Variants in DENND1C observed in about 807,000 individuals in gnomAD.
DENND1C encodes the protein DENN domain-containing protein 1C.
In DENND1C, 64 loss-of-function variants were observed where a neutral mutation model predicts 87.9. The observed-to-expected ratio is 0.73, with a 90% CI of 0.60 to 0.90. DENND1C has a LOEUF of 0.90. Among genes scored for constraint, DENND1C ranks in the 40% least tolerant of loss-of-function variants. The pLI, the probability that DENND1C is intolerant of heterozygous loss-of-function variation, is 0.00. For synonymous variants in DENND1C, 384 were observed against 424.4 expected (o/e 0.90, Z 1.17); for missense variants, 980 against 1,037.0 (o/e 0.95, Z 0.76).
intron 14 of DENND1C, among the ~76,000 whole-genome samples, chr19:6,473,455 GGTTTTTTTTTT>G (rs2092840924): frequency 7.4e-6 from 1 of 135,586 alleles, no homozygotes; most frequent in Non-Finnish European, 1.5e-5. Context: ...GCCCAGCCCT[GGTTTTTTTTTT>G]TTTTTTTTTC....
chr19:6,480,590 CTA>C, intron 1 of DENND1C: 1 of 378,986 alleles, frequency 2.6e-6, no homozygotes, highest in African/African-American at 2.5e-5. Context: ...ATCTATCTAT[CTA>C]TCTATCTATC....
Position 6,468,613 on chromosome 19 carries a change from C to G in DENND1C, c.1548G>C (p.Gln516His). ...GGGGCTCGGAAGTTCCCTCTTCCAG[C>G]TGGCGTCTCCTGCTGGGGCGAAGGG... Reference protein sequence around the residue: ...NRPLRPSRRRQLEEGTSEPPG... With the variant: ...NRPLRPSRRRHLEEGTSEPPG... Residue 516 changes from glutamine to histidine, a missense_variant, in exon 21 of 23, where the codon CAG (glutamine) becomes CAC (histidine). Transcript: ENST00000381480. The G allele has an allele frequency of 6.6e-7, 1 of 1,506,158 alleles. No individual in the cohort carries two copies. Among genetic ancestry groups the G allele is most frequent in the South Asian group, 1.4e-5 (1 of 72,304 alleles). The allele number at this position is 1,506,158 out of a possible 1,614,324, so 93.3% of individuals were successfully genotyped here.
At chr19:6,471,184 A>G (rs2092826969) in intron 17 of DENND1C, 81 bp downstream of exon 17, 2 of 1,535,336 alleles carry the variant, frequency 1.3e-6, no homozygotes, top group Non-Finnish European at 1.8e-6. Context: ...GGTCGCAGCA[A>G]TCCTTCTATC....
intron 17 of DENND1C, among the ~76,000 whole-genome samples, chr19:6,471,015 C>T (rs888646969): frequency 5.9e-4 from 89 of 151,164 alleles, no homozygotes; most frequent in African/African-American, 2.1e-3. Flanking sequence ...AGTGCAGTGG[C>T]ATGATCTCGG....
intron 17 of DENND1C, among the ~76,000 whole-genome samples, chr19:6,470,620 G>GTTTTTTTTTTTTTTTT (rs35687922): frequency 3.0e-4 from 34 of 114,784 alleles, no homozygotes; most frequent in Non-Finnish European, 4.0e-4. Context: ...GTTTTTTTTT[G>GTTTTTTTTTTTTTTTT]TTTTTTTTTT....
chr19:6,469,335 T>G, intron 19 of DENND1C: 11 of 469,110 alleles, frequency 2.3e-5, no homozygotes, highest in Admixed American at 7.1e-5. Context: ...CCAGCCACAG[T>G]CTTCTTTTTT....
rs912858403 is a variant in DENND1C at position 6,467,839 on chromosome 19, C to T, written c.2071G>A (p.Glu691Lys). 5.1e-6 allele frequency: 8 copies of T among 1,577,860 alleles called. No homozygotes were observed. The highest frequency in any genetic ancestry group is 6.9e-6 in the Non-Finnish European group (8 of 1,162,016). The change falls in exon 23 of 23, where the codon GAA becomes AAA. Residue 691 changes from glutamate (E) to lysine (K), a missense_variant. Glu to Lys is a moderately conservative substitution (Grantham distance 56, BLOSUM62 1). Transcript: ENST00000381480. ...GGGTTTTCCTGGGCTGTAGAATCTT[C>T]AGCTGCCTTGTGGGAAGGGGTGAGA... ...LHLTPSHKAA[E>K]DSTAQENPTP...
chr19:6,470,123 T>C (rs540386396), intron 18 of DENND1C, 172 bp downstream of exon 18: 5 of 634,088 alleles, frequency 7.9e-6, no homozygotes, highest in African/African-American at 1.8e-5. Context: ...AAATAAAAAA[T>C]AAAAGGGGGA....
Position 6,473,772 on chromosome 19 carries a change from C to G in DENND1C, c.1054-779G>C, listed in dbSNP as rs575957755. Reference sequence around the variant, plus strand: ...ACCCGGCTGATTTAAGCATTTATCTCGAGTAAGGTGGAAGCCCGGGAGGGG... The same window carrying G: ...ACCCGGCTGATTTAAGCATTTATCTGGAGTAAGGTGGAAGCCCGGGAGGGG... On this transcript the variant is annotated intron_variant, in intron 14 of 22. Coordinates refer to ENST00000381480, the MANE Select transcript of DENND1C (RefSeq NM_024898.4). Among the ~76,000 whole-genome samples the G allele has an allele frequency of 7.0e-5, 7 of 99,602 alleles. No individual in the cohort carries two copies. The Admixed American group carries it at 7.5e-4, about 11-fold the overall frequency. The allele number at this position is 99,602 out of a possible 152,430, so 65.3% of individuals were successfully genotyped here. A position where few individuals can be genotyped will look rare whatever the true frequency, so the allele number is the denominator to read the frequency against.
At chr19:6,481,600 G>A (rs1913570675) in intron 1 of DENND1C, 79 bp downstream of exon 1, 2 of 1,597,444 alleles carry the variant, frequency 1.3e-6, no homozygotes, top group East Asian at 4.5e-5. Context: ...GCCTGCTCCA[G>A]CCCCAGCTCC....
intron 15 of DENND1C, among the ~76,000 whole-genome samples, 196 bp downstream of exon 15, chr19:6,472,693 G>A (rs1280080850): frequency 6.6e-6 from 1 of 152,094 alleles, no homozygotes; most frequent in Admixed American, 6.5e-5. Context: ...CCAGCCGGGG[G>A]CTCCCATCTT....
chr19:6,468,612 G>T lies in DENND1C; in HGVS notation c.1549C>A (p.Leu517Met). The T allele has an allele frequency of 2.7e-6, 4 of 1,509,240 alleles. No homozygotes were observed. Among genetic ancestry groups the T allele is most frequent in the Non-Finnish European group, 3.5e-6 (4 of 1,132,522 alleles). The allele number at this position is 1,509,240 out of a possible 1,614,324, so 93.5% of individuals were successfully genotyped here. A position where few individuals can be genotyped will look rare whatever the true frequency, so the allele number is the denominator to read the frequency against. ...RPLRPSRRRQLEEGTSEPPGA... is the reference protein window; with the variant it reads ...RPLRPSRRRQMEEGTSEPPGA... ...GGGGGCTCGGAAGTTCCCTCTTCCA[G>T]CTGGCGTCTCCTGCTGGGGCGAAGG... The change falls in exon 21 of 23, where the codon CTG becomes ATG. Residue 517 changes from leucine to methionine, a missense_variant. Physicochemically the swap from Leu to Met is conservative, Grantham distance 15. Transcript: ENST00000381480.
At chr19:6,480,307 G>C in intron 1 of DENND1C, 2 of 1,400,970 alleles carry the variant, frequency 1.4e-6, no homozygotes, top group Non-Finnish European at 1.9e-6. Context: ...GTGTGTGGCT[G>C]AGTGCATGGC....
chr19:6,472,852 C>T (rs1280731053), intron 15 of DENND1C, 37 bp downstream of exon 15: 4 of 1,446,350 alleles, frequency 2.8e-6, no homozygotes, highest in Non-Finnish European at 2.7e-6. Context: ...AGCAGTCCAC[C>T]TCCAGTCCCA....
At chr19:6,472,844 C>T (rs745508375) in intron 15 of DENND1C, 45 bp downstream of exon 15, 53 of 1,411,384 alleles carry the variant, frequency 3.8e-5, no homozygotes, top group Non-Finnish European at 4.8e-5. Flanking sequence ...GGGGACTCAG[C>T]AGTCCACCTC....
chr19:6,481,590 G>A, intron 1 of DENND1C, 89 bp downstream of exon 1: 2 of 1,582,708 alleles, frequency 1.3e-6, no homozygotes, highest in African/African-American at 1.3e-5. Context: ...CACCTCCCGG[G>A]CCTGCTCCAG....
rs1439234706 is a variant in DENND1C at position 6,480,396 on chromosome 19, A to T, written c.18-345T>A. 1.7e-5 allele frequency: 20 copies of T among 1,206,030 alleles called. No individual in the cohort carries two copies. In the East Asian group the frequency reaches 9.5e-4, roughly 57 times the overall value. 74.7% of individuals were successfully genotyped at this position (1,206,030 alleles called of 1,614,324 possible). A position where few individuals can be genotyped will look rare whatever the true frequency, so the allele number is the denominator to read the frequency against. On this transcript the variant is annotated intron_variant, in intron 1 of 22. Transcript: ENST00000381480. Reference sequence around the variant, plus strand: ...TGAGACTGTCTCCTATATCTGTGGCATGAGACTGCACAGATATGAAGGACA... The same window carrying T: ...TGAGACTGTCTCCTATATCTGTGGCTTGAGACTGCACAGATATGAAGGACA...
chr19:6,471,354 G>T, intron 16 of DENND1C, 49 bp from the exon 17 acceptor site: 2 of 1,591,156 alleles, frequency 1.3e-6, no homozygotes, highest in Non-Finnish European at 8.6e-7. Flanking sequence ...GCTGAGGCTG[G>T]GGGTGCTGGT....
In DENND1C at chr19:6,478,924, C is replaced by A. The variant is rs368398475; in HGVS notation, c.296+13G>T. 5.6e-6 allele frequency: 9 copies of A among 1,613,990 alleles called. No homozygotes were observed. Among genetic ancestry groups the A allele is most frequent in the Non-Finnish European group, 7.6e-6 (9 of 1,179,882 alleles). The stretch of plus-strand genomic sequence containing the variant: ...CCTTTCCCATCCCCCCCTCCAACCC[C>A]CATATCCCGCACCTGAGGATGCAGA... On this transcript the variant is annotated intron_variant, in intron 5 of 22. Coordinates refer to ENST00000381480, the MANE Select transcript of DENND1C (RefSeq NM_024898.4).
Sources: allele counts gnomAD v4.1 joint callset (sites outside exome capture counted in the v4.1 genomes callset), GRCh38; gene constraint gnomAD v4.1.1; transcripts MANE v1.5; gene names NCBI Gene and HGNC (gene_info 2026-07-23, HGNC 2026-07-21).